Variants in DEPDC5 observed in about 807,000 individuals in gnomAD.
The protein encoded by DEPDC5 is DEP domain containing 5, GATOR1 subcomplex subunit, also known as GATOR1 complex protein DEPDC5.
DEPDC5 carries 73 observed loss-of-function variants against 217.3 expected under a neutral mutation model. That is an observed-to-expected ratio of 0.34 (90% CI 0.28 to 0.41). The LOEUF is 0.41. Among genes scored for constraint, DEPDC5 ranks in the 10% least tolerant of loss-of-function variants. DEPDC5 has a pLI of 1.00. For missense variants in DEPDC5, 1,675 were observed against 2,070.1 expected (o/e 0.81, Z 3.70); for synonymous variants, 733 against 756.7 (o/e 0.97, Z 0.51).
intron 30 of DEPDC5, 77 bp from the exon 31 acceptor site, chr22:31,846,757 A>C: frequency 1.3e-6 from 2 of 1,596,098 alleles, no homozygotes; most frequent in East Asian, 2.2e-5. Context: ...GGAATGCTGC[A>C]GCATGCCCTG....
At chr22:31,860,299 A>G (rs2092463455) in intron 32 of DEPDC5, among the ~76,000 whole-genome samples, 1 of 152,226 alleles carries the variant, frequency 6.6e-6, no homozygotes, top group Non-Finnish European at 1.5e-5. Flanking sequence ...CTCCGCAGCC[A>G]CAAGTTTCCA....
chr22:31,904,253 C>T (rs1054443118), intron 41 of DEPDC5, among the ~76,000 whole-genome samples: 2 of 152,236 alleles, frequency 1.3e-5, no homozygotes, highest in Admixed American at 1.3e-4. Flanking sequence ...ATTATATCCC[C>T]TCCCCTGCCC....
At chr22:31,757,774 A>C (rs540934595) in intron 2 of DEPDC5, among the ~76,000 whole-genome samples, 1 of 151,896 alleles carries the variant, frequency 6.6e-6, no homozygotes, top group East Asian at 1.9e-4. Flanking sequence ...TTATTTATTT[A>C]TTTTTTTGAG....
intron 25 of DEPDC5, among the ~76,000 whole-genome samples, chr22:31,835,854 CATCT>C (rs2090953899): frequency 6.6e-6 from 1 of 152,162 alleles, no homozygotes; most frequent in Admixed American, 6.5e-5. Flanking sequence ...CCACGTGGGG[CATCT>C]TTCTGCTGTG....
rs531596887 is a variant in DEPDC5 at position 31,830,667 on chromosome 22, G to A, written c.2105-3248G>A. 4.3e-4 allele frequency among the ~76,000 whole-genome samples: 64 copies of A among 150,026 alleles called. No homozygotes were observed. In the South Asian group the frequency reaches 0.012, roughly 28 times the overall value. On this transcript the variant is annotated intron_variant, in intron 24 of 42. Coordinates refer to ENST00000651528, the MANE Select transcript of DEPDC5 (RefSeq NM_001242896.3). Reference sequence around the variant, plus strand: ...TGTGTGTGTGTGTGTGTGTGTGTGTGTGTAGGTAGGTGTGTCCACTAGAGA... The same window carrying A: ...TGTGTGTGTGTGTGTGTGTGTGTGTATGTAGGTAGGTGTGTCCACTAGAGA...
At position 31,845,014 on chromosome 22, in the gene DEPDC5, T is replaced by G. The variant is rs747569938; in HGVS notation, c.2802-4T>G. ...ACCACCCTGTGTTTTCCTTGCCCCCTTAGCTTAATTGAGTCCCTGAAGTTC... is the reference window on the plus strand; with the variant it reads ...ACCACCCTGTGTTTTCCTTGCCCCCGTAGCTTAATTGAGTCCCTGAAGTTC... On this transcript the variant is annotated splice_polypyrimidine_tract_variant and splice_region_variant and intron_variant, in intron 29 of 42. Transcript: ENST00000651528. 2.4e-5 allele frequency: 39 copies of G among 1,614,040 alleles called. No individual in the cohort carries two copies. The South Asian group carries it at 3.6e-4, about 15-fold the overall frequency.
chr22:31,802,963 T>C, intron 15 of DEPDC5, 125 bp downstream of exon 15: 1 of 1,264,114 alleles, frequency 7.9e-7, no homozygotes, highest in Non-Finnish European at 1.0e-6. Flanking sequence ...TGTCACAACG[T>C]CTGTGGATGT....
chr22:31,795,982 G>A (rs2086201979), intron 12 of DEPDC5, among the ~76,000 whole-genome samples: 1 of 151,938 alleles, frequency 6.6e-6, no homozygotes, highest in East Asian at 1.9e-4. Flanking sequence ...CCCCCACCTT[G>A]GCCTCTCCAA....
At chr22:31,784,782 G>A (rs1426128462) in intron 9 of DEPDC5, 32 bp from the exon 10 acceptor site, 2 of 1,596,608 alleles carry the variant, frequency 1.3e-6, no homozygotes, top group Non-Finnish European at 1.7e-6. Flanking sequence ...TTGTTCTCAT[G>A]TTCTCATCCT....
Position 31,819,187 on chromosome 22 carries a change from C to T in DEPDC5, c.1832C>T (p.Thr611Met). ...CCCTCTCGGATGCCCATGAAGCTTA[C>T]GTCCAACAGAAGGCGCTGGATGCAC... ...FAPSRMPMKLTSNRRRWMHTF... is the reference protein window; with the variant it reads ...FAPSRMPMKLMSNRRRWMHTF... The change falls in exon 22 of 43, where the codon ACG (threonine) becomes ATG (methionine). Residue 611 changes from threonine (T) to methionine (M), a missense_variant. Coordinates refer to ENST00000651528, the MANE Select transcript of DEPDC5 (RefSeq NM_001242896.3). The T allele has an allele frequency of 6.2e-7, 1 of 1,614,166 alleles. No individual in the cohort carries two copies. The highest frequency in any genetic ancestry group is 8.5e-7 in the Non-Finnish European group (1 of 1,180,032).
intron 5 of DEPDC5, 134 bp from the exon 6 acceptor site, chr22:31,766,451 G>C: frequency 1.3e-6 from 1 of 784,240 alleles, no homozygotes; most frequent in Non-Finnish European, 2.2e-6. Context: ...GTTCATCAGA[G>C]TTCTGCTACT....
chr22:31,838,370 C>T (rs1384545362), intron 26 of DEPDC5, among the ~76,000 whole-genome samples: 2 of 152,074 alleles, frequency 1.3e-5, no homozygotes, highest in Non-Finnish European at 2.9e-5. Context: ...ACTGCAACCT[C>T]TGCTGGGACT....
At chr22:31,807,219 T>C (rs1324379625) in intron 18 of DEPDC5, among the ~76,000 whole-genome samples, 1 of 152,250 alleles carries the variant, frequency 6.6e-6, no homozygotes, top group Non-Finnish European at 1.5e-5. Context: ...ATGTTTATGC[T>C]ATTTGAACCA....
rs1298777710 is a variant in DEPDC5, at chr22:31,879,686, T to C, written c.3967T>C (p.Tyr1323His). Reference protein sequence around the residue: ...LPWLPSRPASYASRHSSFSRS... With the variant: ...LPWLPSRPASHASRHSSFSRS... ...CTGGCTGCCTAGCCGGCCAGCCTCC[T>C]ATGCAAGTAGGCACAGCTCCTTTAG... Residue 1323 changes from tyrosine to histidine, a missense_variant, in exon 38 of 43, where the codon TAT becomes CAT. Coordinates refer to ENST00000651528, the MANE Select transcript of DEPDC5 (RefSeq NM_001242896.3). 1.2e-6 allele frequency: 2 copies of C among 1,614,144 alleles called. No individual in the cohort carries two copies.
chr22:31,781,307 AT>A (rs1441377611), intron 8 of DEPDC5, among the ~76,000 whole-genome samples: 4 of 151,656 alleles, frequency 2.6e-5, no homozygotes, highest in African/African-American at 4.8e-5. Context: ...TAAATTAATT[AT>A]TTTTGAGATT....
chr22:31,898,437 G>A (rs540827017), intron 40 of DEPDC5, among the ~76,000 whole-genome samples: 7 of 152,296 alleles, frequency 4.6e-5, no homozygotes, highest in African/African-American at 1.7e-4. Context: ...TGAGTTCACA[G>A]ATGATCTTTT....
At chr22:31,809,465 G>A (rs936789275) in intron 18 of DEPDC5, 146 bp from the exon 19 acceptor site, 10 of 759,376 alleles carry the variant, frequency 1.3e-5, no homozygotes, top group South Asian at 3.1e-5. Context: ...ATAAAGGACC[G>A]TGGTAGGTAG....
At chr22:31,814,804 C>G (rs1029256066) in intron 20 of DEPDC5, 188 bp from the exon 21 acceptor site, 2 of 609,490 alleles carry the variant, frequency 3.3e-6, no homozygotes, top group Non-Finnish European at 5.8e-6. Context: ...TCATTTCCCC[C>G]CTCTCTTATA....
At position 31,874,342 on chromosome 22, in the gene DEPDC5, A is replaced by G. The variant is rs2149256655; in HGVS notation, c.3633A>G (p.Val1211=). Residue 1211 remains valine, a synonymous_variant, in exon 36 of 43, where the codon GTA becomes GTG. Transcript: ENST00000651528. ...SPYCFISAEV[V]HWLVNHVEGI... ...ACTGCTTCATCAGCGCGGAGGTGGT[A>G]CACTGGTTGGTGAACCACGTGGAGG... is the stretch of plus-strand genomic sequence containing the variant. 6.2e-7 allele frequency: 1 copy of G among 1,611,424 alleles called. No homozygotes were observed. The highest frequency in any genetic ancestry group is 1.1e-5 in the South Asian group (1 of 90,328).
Sources: allele counts gnomAD v4.1 joint callset (sites outside exome capture counted in the v4.1 genomes callset), GRCh38; gene constraint gnomAD v4.1.1; transcripts MANE v1.5; gene names NCBI Gene and HGNC (gene_info 2026-07-23, HGNC 2026-07-21).